PCDH15: variants seen among roughly 807,000 people sequenced by gnomAD.
PCDH15 encodes protocadherin related 15, also known as protocadherin-15.
PCDH15 carries 129 observed loss-of-function variants against 178.5 expected under a neutral mutation model. The ratio of observed to expected loss-of-function variants is 0.72; its 90% CI spans 0.63 to 0.84. The LOEUF (loss-of-function observed/expected upper bound fraction) is 0.84, where lower values mean the gene tolerates loss of function less well. Among genes scored for constraint, PCDH15 ranks in the 40% least tolerant of loss-of-function variants. The pLI, the probability that PCDH15 is intolerant of heterozygous loss-of-function variation, is 0.00. For missense variants in PCDH15, 2,230 were observed against 2,099.9 expected (o/e 1.06, Z -1.21); for synonymous variants, 800 against 732.0 (o/e 1.09, Z -1.50).
At chr10:55,097,469 G>A (rs1348131270) in intron 2 of PCDH15, among the ~76,000 whole-genome samples, 1 of 152,124 alleles carries the variant, frequency 6.6e-6, no homozygotes, top group Admixed American at 6.6e-5. Flanking sequence ...CTAAGAACAA[G>A]AGATGTCCCA....
At chr10:55,609,565 G>A (rs1053711859) in intron 2 of PCDH15, among the ~76,000 whole-genome samples, 26 of 151,990 alleles carry the variant, frequency 1.7e-4, no homozygotes, top group African/African-American at 6.3e-4. Context: ...ATGTCAAAAT[G>A]AAAGGCCTCT....
chr10:54,680,356 T>C (rs2094876292), intron 1 of PCDH15, among the ~76,000 whole-genome samples: 1 of 152,180 alleles, frequency 6.6e-6, no homozygotes, highest in Non-Finnish European at 1.5e-5. Context: ...TTAAGATGCA[T>C]TTCTCCTAAT....
At chr10:53,897,851 T>A (rs1237377947) in intron 26 of PCDH15, among the ~76,000 whole-genome samples, 1 of 152,176 alleles carries the variant, frequency 6.6e-6, no homozygotes, top group Non-Finnish European at 1.5e-5. Flanking sequence ...ATGTAACATG[T>A]ATTAGAATTT....
chr10:54,651,673 C>A (rs539473193), intron 2 of PCDH15, among the ~76,000 whole-genome samples: 1 of 152,242 alleles, frequency 6.6e-6, no homozygotes, highest in South Asian at 2.1e-4. Flanking sequence ...TACAGCTGAA[C>A]CATCTGTGAT....
At chr10:53,999,052 C>CA (rs33951115) in intron 20 of PCDH15, among the ~76,000 whole-genome samples, 974 of 92,250 alleles carry the variant, frequency 0.011, 6 homozygotes, top group African/African-American at 0.012. Flanking sequence ...TACTCAGTCT[C>CA]AAAAAAAAAA....
chr10:54,550,370 A>G (rs185646661), intron 2 of PCDH15, among the ~76,000 whole-genome samples: 3 of 152,244 alleles, frequency 2.0e-5, no homozygotes, highest in Admixed American at 1.3e-4. Context: ...CTTTCCTGTT[A>G]GGTGAGCTGC....
chr10:54,171,484 A>G (rs1400337603), intron 13 of PCDH15, among the ~76,000 whole-genome samples: 1 of 151,790 alleles, frequency 6.6e-6, no homozygotes, highest in African/African-American at 2.4e-5. Flanking sequence ...CCCCCAAAAA[A>G]CTTGTCATCC....
Position 54,093,491 on chromosome 10 carries a change from G to T in PCDH15, c.1918-3428C>A, listed in dbSNP as rs115578203. The stretch of plus-strand genomic sequence containing the variant: ...CATCTTTCTTTGTCAATGTCCAAAG[G>T]TGAGAAATAATCCATAAAAAGAAAA... On this transcript the variant is annotated intron_variant, in intron 15 of 37. Coordinates refer to ENST00000644397, the MANE Select transcript of PCDH15 (RefSeq NM_001384140.1). Among the ~76,000 whole-genome samples, 1,272 of 152,212 alleles carry T rather than the reference G, an allele frequency of 8.4e-3. 15 individuals carry two copies. The highest frequency in any genetic ancestry group is 0.025 in the African/African-American group (1,046 of 41,538).
rs148546523 is a variant in PCDH15 at position 54,657,165 on chromosome 10, C to T, written c.91+7007G>A. Among the ~76,000 whole-genome samples the T allele has an allele frequency of 3.6e-3, 544 of 152,318 alleles. 5 individuals are homozygous for T. The highest frequency in any genetic ancestry group is 0.013 in the African/African-American group (523 of 41,568). On this transcript the variant is annotated intron_variant, in intron 2 of 37. Transcript: ENST00000644397. ...GCCGGAGGGGCATACCCATGGTCTCCAGCTGCACTATGGCCAGGAGTCAAA... is the reference window on the plus strand; with the variant it reads ...GCCGGAGGGGCATACCCATGGTCTCTAGCTGCACTATGGCCAGGAGTCAAA...
chr10:54,708,801 T>TGTGC (rs959581064), intron 1 of PCDH15, among the ~76,000 whole-genome samples: 4 of 125,568 alleles, frequency 3.2e-5, no homozygotes, highest in African/African-American at 1.1e-4. Context: ...TGTGTGTGTG[T>TGTGC]GCGCGCGCGT....
At chr10:54,061,425 C>T (rs1358802993) in intron 18 of PCDH15, among the ~76,000 whole-genome samples, 6 of 152,072 alleles carry the variant, frequency 3.9e-5, no homozygotes, top group African/African-American at 1.4e-4. Context: ...CTTTAAACAG[C>T]TCTTCCATTA....
At position 55,290,124 on chromosome 10, in the gene PCDH15, A is replaced by G. The variant is rs183023513; in HGVS notation, c.-156+29475T>C. Among the ~76,000 whole-genome samples the G allele has an allele frequency of 4.1e-3, 624 of 151,994 alleles. 12 individuals carry two copies. The highest frequency in any genetic ancestry group is 0.014 in the African/African-American group (598 of 41,350). On this transcript the variant is annotated intron_variant, in intron 1 of 5. Transcript: ENST00000458638. ...TGTTATAGCAACAGAAAATAAACAA[A>G]GGCATCTATCATTGTATTACTAGAT...
intron 2 of PCDH15, among the ~76,000 whole-genome samples, chr10:55,536,709 A>G (rs899450617): frequency 6.6e-5 from 10 of 152,088 alleles, no homozygotes; most frequent in Non-Finnish European, 8.8e-5. Context: ...TAATTTCCAG[A>G]CTTGAATGTC....
chr10:54,267,971 C>A (rs554520917), intron 8 of PCDH15, among the ~76,000 whole-genome samples: 1 of 151,798 alleles, frequency 6.6e-6, no homozygotes, highest in African/African-American at 2.4e-5. Context: ...GAATAGCCAA[C>A]ACAATCTTAA....
chr10:55,414,853 GATT>G (rs1387604183), intron 2 of PCDH15, among the ~76,000 whole-genome samples: 13 of 149,190 alleles, frequency 8.7e-5, no homozygotes. Flanking sequence ...CTACATATAA[GATT>G]ATGTTATCTG....
intron 2 of PCDH15, among the ~76,000 whole-genome samples, chr10:55,379,618 T>C (rs1332295334): frequency 6.6e-6 from 1 of 151,946 alleles, no homozygotes; most frequent in Non-Finnish European, 1.5e-5. Context: ...TAAATACTTA[T>C]TTAGCTGTAA....
In PCDH15 at chr10:54,943,896, A is replaced by G. The variant is rs182243689; in HGVS notation, c.-79-46396T>C. 2.0e-5 allele frequency among the ~76,000 whole-genome samples: 3 copies of G among 151,840 alleles called. 1 individual carries two copies. Among genetic ancestry groups the G allele is most frequent in the African/African-American group, 7.2e-5 (3 of 41,504 alleles). ...AAAAAGCATGACATTCTGAGTAAAG[A>G]TCTCTTAAAGAGAAGATAAAAGACA... On this transcript the variant is annotated intron_variant, in intron 2 of 5. Transcript: ENST00000458638.
At chr10:54,902,622 G>A (rs1954655173) in intron 2 of PCDH15, among the ~76,000 whole-genome samples, 1 of 152,094 alleles carries the variant, frequency 6.6e-6, no homozygotes, top group Non-Finnish European at 1.5e-5. Flanking sequence ...CCAGTTTCGG[G>A]TAGTTCTTTA....
At chr10:55,477,013 A>T (rs1318829521) in intron 2 of PCDH15, among the ~76,000 whole-genome samples, 4 of 152,082 alleles carry the variant, frequency 2.6e-5, no homozygotes, top group Middle Eastern at 6.8e-3. Flanking sequence ...TGAAGTGCCA[A>T]GGTTATGTTA....
Sources: gnomAD v4.1 joint callset for allele counts (sites outside exome capture counted in the v4.1 genomes callset) on GRCh38, gnomAD v4.1.1 for gene constraint, MANE v1.5 for transcripts, NCBI Gene and HGNC (gene_info 2026-07-23, HGNC 2026-07-21) for gene names.